The following COLEC12 variants were observed in gnomAD, a reference collection of about 807,000 sequenced individuals.
COLEC12 encodes collectin-12.
Under a neutral mutation model 71.1 loss-of-function variants are expected in COLEC12, and 33 were observed. The observed-to-expected ratio is 0.46, with a 90% CI of 0.35 to 0.62. The LOEUF (loss-of-function observed/expected upper bound fraction) is 0.62, where lower values mean the gene tolerates loss of function less well. COLEC12 is among the 20% of genes least tolerant of loss of function. The pLI is 0.00. For missense variants in COLEC12, 765 were observed against 916.1 expected (o/e 0.84, Z 2.13); for synonymous variants, 350 against 353.0 (o/e 0.99, Z 0.10).
intron 2 of COLEC12, among the ~76,000 whole-genome samples, chr18:370,464 G>T (rs754164517): frequency 2.2e-4 from 33 of 152,188 alleles, no homozygotes; most frequent in Non-Finnish European, 3.4e-4. Flanking sequence ...TTTGCTGAAG[G>T]TGTTCCCCAC....
chr18:439,587 A>G (rs1478832947), intron 2 of COLEC12, among the ~76,000 whole-genome samples: 2 of 151,914 alleles, frequency 1.3e-5, no homozygotes, highest in African/African-American at 2.4e-5. Context: ...TTATTGAAAT[A>G]TAATTTACAT....
intron 2 of COLEC12, among the ~76,000 whole-genome samples, chr18:418,370 C>G (rs1223437506): frequency 1.3e-5 from 2 of 152,068 alleles, no homozygotes; most frequent in Non-Finnish European, 2.9e-5. Flanking sequence ...TTTACTTCTA[C>G]CTATATTAAG....
chr18:398,857 T>C (rs1915622791), intron 2 of COLEC12, among the ~76,000 whole-genome samples: 1 of 152,260 alleles, frequency 6.6e-6, no homozygotes, highest in Non-Finnish European at 1.5e-5. Flanking sequence ...AGCTTTGACC[T>C]CACGTTCCAC....
chr18:348,053 G>A lies in COLEC12; in HGVS notation c.280+12C>T. ...TCAGGGGATTTCATGGTTTAGTCTT[G>A]TCACAGATTACCTAATTTTTTCAGG... On this transcript the variant is annotated intron_variant, in intron 4 of 9. Transcript: ENST00000400256. 1.3e-6 allele frequency: 2 copies of A among 1,579,492 alleles called. No homozygotes were observed. The highest frequency in any genetic ancestry group is 1.1e-5 in the South Asian group (1 of 90,288).
rs56853175 is a variant in COLEC12 at position 319,321 on chromosome 18, T to TAAAA, written c.*720_*723dup. On this transcript the variant is annotated 3_prime_UTR_variant, in exon 10 of 10. Transcript: ENST00000400256. ...TGGTTCCTCTGAGGAAATGAAACAT[T>TAAAA]AAAAAAAAAAAAAAAAAAAAATATA... The TAAAA allele has an allele frequency of 1.2e-5, 1 of 84,092 alleles. No homozygotes were observed. Among genetic ancestry groups the TAAAA allele is most frequent in the African/African-American group, 4.6e-5 (1 of 21,800 alleles). The allele number at this position is 84,092 out of a possible 1,614,324, so 5.2% of individuals were successfully genotyped here. A position where few individuals can be genotyped will look rare whatever the true frequency, so the allele number is the denominator to read the frequency against.
At chr18:477,066 A>T (rs1917319606) in intron 2 of COLEC12, among the ~76,000 whole-genome samples, 1 of 152,222 alleles carries the variant, frequency 6.6e-6, no homozygotes, top group African/African-American at 2.4e-5. Flanking sequence ...CAAGCTTGGT[A>T]TATGGAAAGA....
chr18:469,426 C>T (rs16944997), intron 2 of COLEC12, among the ~76,000 whole-genome samples: 13,880 of 152,228 alleles, frequency 0.091, 842 homozygotes, highest in East Asian at 0.25. Context: ...AGGCAAAAGG[C>T]CACGTCTCTC....
chr18:448,254 T>C (rs575482842), intron 2 of COLEC12, among the ~76,000 whole-genome samples: 217 of 152,312 alleles, frequency 1.4e-3, no homozygotes, highest in Admixed American at 2.7e-3. Flanking sequence ...ATCAGGGTGG[T>C]TGGGGTTGAA....
At chr18:383,583 G>A (rs533596565) in intron 2 of COLEC12, among the ~76,000 whole-genome samples, 9 of 152,262 alleles carry the variant, frequency 5.9e-5, no homozygotes, top group Admixed American at 2.6e-4. Context: ...TAAAAACCAA[G>A]AAACAACCAT....
intron 2 of COLEC12, among the ~76,000 whole-genome samples, chr18:427,061 T>G (rs1328251023): frequency 6.6e-6 from 1 of 152,206 alleles, no homozygotes; most frequent in Non-Finnish European, 1.5e-5. Flanking sequence ...TCATTTCCAA[T>G]GCTGACTAAC....
intron 2 of COLEC12, among the ~76,000 whole-genome samples, chr18:469,563 A>C (rs1917153553): frequency 6.6e-6 from 1 of 152,156 alleles, no homozygotes; most frequent in South Asian, 2.1e-4. Context: ...AACAAGCCTC[A>C]TGAGGTGCAT....
At chr18:477,633 C>A (rs553390589) in intron 2 of COLEC12, among the ~76,000 whole-genome samples, 1 of 152,322 alleles carries the variant, frequency 6.6e-6, no homozygotes, top group South Asian at 2.1e-4. Flanking sequence ...AGCCCCAAAT[C>A]TCGGGAGAGT....
At chr18:488,970 T>A (rs1237843993) in intron 1 of COLEC12, among the ~76,000 whole-genome samples, 1 of 152,038 alleles carries the variant, frequency 6.6e-6, no homozygotes, top group African/African-American at 2.4e-5. Context: ...AGGGAAGCAC[T>A]GGAGGAGTAA....
At chr18:379,881 G>A (rs1370162823) in intron 2 of COLEC12, among the ~76,000 whole-genome samples, 2 of 152,168 alleles carry the variant, frequency 1.3e-5, no homozygotes, top group Admixed American at 1.3e-4. Context: ...TTGCTTGCAA[G>A]ACCAGATTAA....
intron 2 of COLEC12, among the ~76,000 whole-genome samples, chr18:407,899 C>T (rs1205824516): frequency 1.3e-5 from 2 of 152,250 alleles, no homozygotes; most frequent in African/African-American, 4.8e-5. Flanking sequence ...GGCCAATGAT[C>T]AGAATCTCTG....
chr18:442,001 CT>C lies in COLEC12; in HGVS notation c.58+38705del, dbSNP rs1345438332. On this transcript the variant is annotated intron_variant, in intron 2 of 9. Transcript: ENST00000400256. ...GGTGACAGAGTGAGACTCTCTCTCT[CT>C]ACACACACACACACACACACACACA... Among the ~76,000 whole-genome samples, 473 of 68,550 alleles carry C rather than the reference CT, an allele frequency of 6.9e-3. 2 individuals are homozygous for C. Among genetic ancestry groups the C allele is most frequent in the East Asian group, 9.2e-3 (22 of 2,380 alleles). The allele number at this position is 68,550 out of a possible 152,430, so 45.0% of individuals were successfully genotyped here.
intron 2 of COLEC12, among the ~76,000 whole-genome samples, chr18:479,065 A>G (rs1195433339): frequency 6.6e-6 from 1 of 152,190 alleles, no homozygotes; most frequent in African/African-American, 2.4e-5. Context: ...CAAAACATGT[A>G]GGCATCTCCA....
At chr18:369,448 TG>T (rs1208024165) in intron 2 of COLEC12, among the ~76,000 whole-genome samples, 20 of 89,832 alleles carry the variant, frequency 2.2e-4, no homozygotes, top group South Asian at 1.4e-3. Flanking sequence ...TTTGGAATAA[TG>T]TTTTTTTTTT....
chr18:454,917 C>A (rs1045535401), intron 2 of COLEC12, among the ~76,000 whole-genome samples: 4 of 152,212 alleles, frequency 2.6e-5, no homozygotes, highest in African/African-American at 9.6e-5. Context: ...AAATGTTGAG[C>A]CATTTGGACT....
Sources: allele counts gnomAD v4.1 joint callset (sites outside exome capture counted in the v4.1 genomes callset), GRCh38; gene constraint gnomAD v4.1.1; transcripts MANE v1.5; gene names NCBI Gene and HGNC (gene_info 2026-07-23, HGNC 2026-07-21).